The following PTPRN2 variants were observed in gnomAD, a reference collection of about 807,000 sequenced individuals.
PTPRN2 encodes receptor-type tyrosine-protein phosphatase N2.
A neutral mutation model predicts 118.8 loss-of-function variants in PTPRN2; 74 were observed. The ratio of observed to expected loss-of-function variants is 0.62; its 90% confidence interval spans 0.52 to 0.76. The LOEUF is 0.76. Ranked by LOEUF, PTPRN2 falls within the 30% of genes least tolerant of loss-of-function variation. The probability of loss-of-function intolerance (pLI) is 0.00; values close to 1 mark genes in which losing one functional copy is unlikely to be tolerated. For missense variants in PTPRN2, 1,481 were observed against 1,394.4 expected, an observed-to-expected ratio of 1.06 and a Z score of -0.99; for synonymous variants, 641 against 608.0, an observed-to-expected ratio of 1.05 and a Z score of -0.80.
At chr7:157,665,566 A>C (rs1334562760) in intron 13 of PTPRN2, among the ~76,000 whole-genome samples, 1 of 152,218 alleles carries the variant, frequency 6.6e-6, no homozygotes, top group Non-Finnish European at 1.5e-5. Context: ...CAGGGTGTGG[A>C]TGAAACCTGT....
At chr7:158,264,971 G>A (rs1222364416) in intron 3 of PTPRN2, among the ~76,000 whole-genome samples, 6 of 151,950 alleles carry the variant, frequency 3.9e-5, no homozygotes, top group Admixed American at 6.6e-5. Flanking sequence ...TAGAGCAGTC[G>A]AGGTCCGCCT....
intron 12 of PTPRN2, among the ~76,000 whole-genome samples, chr7:157,725,739 T>C (rs1799547338): frequency 1.6e-5 from 1 of 62,202 alleles, no homozygotes; most frequent in East Asian, 3.6e-4. Flanking sequence ...GACCCTCACC[T>C]CCCAGGAGAA....
At chr7:157,753,888 C>T (rs557688824) in intron 12 of PTPRN2, among the ~76,000 whole-genome samples, 12 of 152,348 alleles carry the variant, frequency 7.9e-5, no homozygotes, top group South Asian at 2.1e-4. Context: ...CACCCCCATC[C>T]GCGGCCATGG....
intron 6 of PTPRN2, among the ~76,000 whole-genome samples, chr7:158,150,679 G>C (rs1820905557): frequency 6.6e-6 from 1 of 152,016 alleles, no homozygotes; most frequent in South Asian, 2.1e-4. Flanking sequence ...GGGTCACTGA[G>C]GTGAGATCTG....
intron 12 of PTPRN2, among the ~76,000 whole-genome samples, chr7:157,745,492 G>T (rs896694288): frequency 6.6e-6 from 1 of 152,094 alleles, no homozygotes; most frequent in Middle Eastern, 3.2e-3. Context: ...CAGGGAGGCA[G>T]GCTGGGGGAG....
rs1808762122 is a variant in PTPRN2, at chr7:158,045,316, T to C, written c.1723+35982A>G. Among the ~76,000 whole-genome samples, 3 of 152,226 alleles carry C rather than the reference T, an allele frequency of 2.0e-5. No homozygotes were observed. In the South Asian group the frequency reaches 6.2e-4, roughly 31 times the overall value. ...CCAAATGGCTGGAGAAATAAATTTTTTATTAAAAAAGTAATTGGAAAGATG... is the reference window on the plus strand; with the variant it reads ...CCAAATGGCTGGAGAAATAAATTTTCTATTAAAAAAGTAATTGGAAAGATG... On this transcript the variant is annotated intron_variant, in intron 11 of 22. Transcript: ENST00000389418.
intron 9 of PTPRN2, among the ~76,000 whole-genome samples, chr7:158,122,209 C>T (rs1817228868): frequency 1.3e-5 from 2 of 152,186 alleles, no homozygotes; most frequent in Admixed American, 6.5e-5. Flanking sequence ...ACTTTCAAAG[C>T]TGAAGATGGC....
rs1810874442 is a variant in PTPRN2 at position 157,868,744 on chromosome 7, GCTCCCTCTGGGCTGTGCA to G, written c.1788+29911_1788+29928del. 1 of 152,162 alleles carries G rather than the reference GCTCCCTCTGGGCTGTGCA, an allele frequency of 6.6e-6. No individual in the cohort carries two copies. The highest frequency in any genetic ancestry group is 2.4e-5 in the African/African-American group (1 of 41,402). The allele number at this position is 152,162 out of a possible 1,614,324, so 9.4% of individuals were successfully genotyped here. ...GCGGTCGTTCTTCATTGTATTGTGAGCTCCCTCTGGGCTGTGCACTCCGGGCCATGCGTGGCTGGTAAC... is the reference window on the plus strand; with the variant it reads ...GCGGTCGTTCTTCATTGTATTGTGAGCTCCGGGCCATGCGTGGCTGGTAAC... On this transcript the variant is annotated intron_variant, in intron 12 of 22. Coordinates refer to ENST00000389418, the MANE Select transcript of PTPRN2 (RefSeq NM_002847.5). This position sits in a 1 kb window ranked among gnomAD's most constrained non-coding sequence, Gnocchi z 5.2.
At chr7:158,258,858 C>A (rs962774781) in intron 3 of PTPRN2, among the ~76,000 whole-genome samples, 1 of 152,190 alleles carries the variant, frequency 6.6e-6, no homozygotes, top group African/African-American at 2.4e-5. Flanking sequence ...AAGTCTCCTG[C>A]AGCCACGCGA....
intron 3 of PTPRN2, among the ~76,000 whole-genome samples, chr7:158,246,926 G>A (rs989846275): frequency 1.3e-5 from 2 of 152,310 alleles, no homozygotes; most frequent in African/African-American, 4.8e-5. Flanking sequence ...TGCGCGGCCT[G>A]TTGAGTTTCT....
intron 2 of PTPRN2, among the ~76,000 whole-genome samples, chr7:158,419,636 A>G (rs572545466): frequency 1.3e-5 from 2 of 152,242 alleles, no homozygotes; most frequent in East Asian, 1.9e-4. Flanking sequence ...GCAGCACTGC[A>G]GCTGGAATGA....
At chr7:158,520,271 G>T (rs979729894) in intron 1 of PTPRN2, among the ~76,000 whole-genome samples, 1 of 152,174 alleles carries the variant, frequency 6.6e-6, no homozygotes, top group Admixed American at 6.5e-5. Flanking sequence ...GTCTCACACC[G>T]TCCCTTCTAG....
chr7:157,734,275 G>GTACAC (rs112787008), intron 12 of PTPRN2, among the ~76,000 whole-genome samples: 1 of 70,220 alleles, frequency 1.4e-5, no homozygotes, highest in Admixed American at 1.3e-4. Context: ...GCCCAGTGCA[G>GTACAC]TCTTCCGTCC....
chr7:157,902,051 G>A (rs1244960361), intron 11 of PTPRN2, among the ~76,000 whole-genome samples: 2 of 152,246 alleles, frequency 1.3e-5, no homozygotes, highest in Non-Finnish European at 2.9e-5. Context: ...CTGAAGTGGG[G>A]TCGCAGCACG....
At position 157,651,059 on chromosome 7, in the gene PTPRN2, C is replaced by T. The variant is rs574354822; in HGVS notation, c.2196+5298G>A. On this transcript the variant is annotated intron_variant, in intron 14 of 22. Transcript: ENST00000389418. ...CATCTGTTGGTCGCCAGCACAGACACGCATCACGCGTCTCACGCTGGGAGT... is the reference window on the plus strand; with the variant it reads ...CATCTGTTGGTCGCCAGCACAGACATGCATCACGCGTCTCACGCTGGGAGT... Among the ~76,000 whole-genome samples, 6 of 152,350 alleles carry T rather than the reference C, an allele frequency of 3.9e-5. No homozygotes were observed. The South Asian group carries it at 6.2e-4, about 16-fold the overall frequency.
chr7:158,510,098 G>A (rs11979414), intron 1 of PTPRN2, among the ~76,000 whole-genome samples: 38,413 of 152,134 alleles, frequency 0.25, 5,222 homozygotes, highest in East Asian at 0.43. Flanking sequence ...CCCTGAGAGA[G>A]ACACCTCAGA....
rs1797328931 is a variant in PTPRN2 at position 157,899,656 on chromosome 7, G to A, written c.1724-919C>T. Among the ~76,000 whole-genome samples, 3 of 152,184 alleles carry A rather than the reference G, an allele frequency of 2.0e-5. No individual in the cohort carries two copies. The South Asian group carries it at 6.2e-4, about 31-fold the overall frequency. Reference sequence around the variant, plus strand: ...TGTAACGCCCCTGTGTTAATCTGGGGTAATGAAATTATTCCTTTCGGAGAG... The same window carrying A: ...TGTAACGCCCCTGTGTTAATCTGGGATAATGAAATTATTCCTTTCGGAGAG... On this transcript the variant is annotated intron_variant, in intron 11 of 22. Transcript: ENST00000389418.
chr7:158,078,372 T>C (rs1330477142), intron 11 of PTPRN2, among the ~76,000 whole-genome samples: 1 of 152,132 alleles, frequency 6.6e-6, no homozygotes, highest in African/African-American at 2.4e-5. Flanking sequence ...CTCCCAGTAA[T>C]TTCAACAGCA....
At chr7:158,244,811 AGTGT>A (rs1336939325) in intron 3 of PTPRN2, among the ~76,000 whole-genome samples, 11 of 142,122 alleles carry the variant, frequency 7.7e-5, no homozygotes, top group South Asian at 2.4e-4. Flanking sequence ...TGTGTGTGAG[AGTGT>A]GTATGAGTGT....
Sources: allele counts gnomAD v4.1 joint callset (sites outside exome capture counted in the v4.1 genomes callset), GRCh38; gene constraint gnomAD v4.1.1; non-coding constraint Gnocchi (gnomAD v3.1); transcripts MANE v1.5; gene names NCBI Gene and HGNC (gene_info 2026-07-23, HGNC 2026-07-21).